PRIM2: variants seen among roughly 807,000 people sequenced by gnomAD.
The protein encoded by PRIM2 is DNA primase subunit 2.
A neutral mutation model predicts 67.3 loss-of-function variants in PRIM2; 39 were observed. That is an observed-to-expected ratio of 0.58 (90% CI 0.45 to 0.76). PRIM2 has a LOEUF of 0.76. PRIM2 is among the 30% of genes least tolerant of loss of function. The probability of loss-of-function intolerance (pLI) is 0.00; values close to 1 mark genes in which losing one functional copy is unlikely to be tolerated. For synonymous variants in PRIM2, 143 were observed against 198.7 expected, an observed-to-expected ratio of 0.72 and a Z score of 2.36; for missense variants, 398 against 598.7, an observed-to-expected ratio of 0.66 and a Z score of 3.50.
chr6:57,393,663 TA>T (rs1280756712), intron 7 of PRIM2, among the ~76,000 whole-genome samples: 1 of 152,170 alleles, frequency 6.6e-6, no homozygotes, highest in African/African-American at 2.4e-5. Context: ...CTCTTTAGTT[TA>T]AGTAGGTCCC....
chr6:57,556,522 A>T (rs1374517951), intron 10 of PRIM2, among the ~76,000 whole-genome samples: 4 of 152,198 alleles, frequency 2.6e-5, no homozygotes, highest in African/African-American at 9.6e-5. Flanking sequence ...AAAGCCGACA[A>T]AAGCAATGGG....
chr6:57,642,433 ATCTT>A (rs1404087593), intron 13 of PRIM2, among the ~76,000 whole-genome samples: 10 of 107,082 alleles, frequency 9.3e-5, no homozygotes, highest in Admixed American at 6.8e-4. Context: ...TAAATATTAT[ATCTT>A]TTTTTTTTTT....
At chr6:57,433,945 A>G (rs1344010489) in intron 7 of PRIM2, among the ~76,000 whole-genome samples, 1 of 137,442 alleles carries the variant, frequency 7.3e-6, no homozygotes, top group Non-Finnish European at 1.5e-5. Flanking sequence ...TTTTTTTGAG[A>G]CAGAGTTTCG....
At chr6:57,626,729 A>G (rs1776955104) in intron 12 of PRIM2, among the ~76,000 whole-genome samples, 1 of 151,762 alleles carries the variant, frequency 6.6e-6, no homozygotes, top group South Asian at 2.1e-4. Context: ...GACTCAAGCG[A>G]ACCTCCCGCC....
At chr6:57,353,139 CAAA>C (rs57281233) in intron 5 of PRIM2, among the ~76,000 whole-genome samples, 2 of 58,588 alleles carry the variant, frequency 3.4e-5, no homozygotes, top group African/African-American at 4.9e-5. Flanking sequence ...GGTGAAATCC[CAAA>C]AAAAAAAAAA....
rs1221357123 is a variant in PRIM2, at chr6:57,646,076, C to T, written c.1448C>T (p.Ala483Val). The T allele has an allele frequency of 2.6e-5, 42 of 1,602,424 alleles. No homozygotes were observed. The highest frequency in any genetic ancestry group is 3.3e-5 in the Non-Finnish European group (39 of 1,169,470). The change falls in exon 14 of 14, where the codon GCA (alanine) becomes GTA (valine). Residue 483 changes from alanine to valine, a missense_variant. Transcript: ENST00000615550. ...CCAAGTGTCCAGAAAACCAAGGATGCATCATCTGCTCTGGCCTCTTTAAAT... is the reference window on the plus strand; with the variant it reads ...CCAAGTGTCCAGAAAACCAAGGATGTATCATCTGCTCTGGCCTCTTTAAAT... ...PKPSVQKTKD[A>V]SSALASLNSS...
intron 3 of PRIM2, among the ~76,000 whole-genome samples, chr6:57,321,375 T>G (rs572664854): frequency 6.6e-6 from 1 of 152,260 alleles, no homozygotes; most frequent in Admixed American, 6.5e-5. Context: ...TAGTGGACAA[T>G]TGGATATACA....
intron 8 of PRIM2, among the ~76,000 whole-genome samples, chr6:57,518,315 T>G (rs1245283934): frequency 6.6e-6 from 1 of 152,234 alleles, no homozygotes; most frequent in Non-Finnish European, 1.5e-5. Flanking sequence ...GGTGTGTCCT[T>G]AATCATCCAA....
chr6:57,360,599 G>A (rs565197055), intron 5 of PRIM2, among the ~76,000 whole-genome samples: 1 of 152,298 alleles, frequency 6.6e-6, no homozygotes, highest in South Asian at 2.1e-4. Flanking sequence ...TAAGGAATGG[G>A]AGTATCGTGG....
intron 5 of PRIM2, among the ~76,000 whole-genome samples, chr6:57,347,975 T>C (rs1768732255): frequency 6.6e-6 from 1 of 152,146 alleles, no homozygotes; most frequent in East Asian, 1.9e-4. Flanking sequence ...CAAACACAGG[T>C]GTGAGTTTAG....
intron 5 of PRIM2, among the ~76,000 whole-genome samples, chr6:57,373,996 A>G (rs555851023): frequency 1.3e-5 from 2 of 152,274 alleles, no homozygotes; most frequent in East Asian, 3.9e-4. Context: ...CGTCAGTGGT[A>G]GTTTGATGGG....
At position 57,474,173 on chromosome 6, in the gene PRIM2, C is replaced by CTTTTTTTTTTTTTT. The variant is rs1158188964; in HGVS notation, c.694-33197_694-33184dup. ...TCTACTTTTTCTGCAATTCTGCTATCTTTTTTTTTTTTTTTTTTTTTTTTT... is the reference window on the plus strand; with the variant it reads ...TCTACTTTTTCTGCAATTCTGCTATCTTTTTTTTTTTTTTTTTTTTTTTTTTTTTTTTTTTTTTT... On this transcript the variant is annotated intron_variant, in intron 7 of 13. Coordinates refer to ENST00000615550, the MANE Select transcript of PRIM2 (RefSeq NM_000947.5). 3.1e-5 allele frequency among the ~76,000 whole-genome samples: 2 copies of CTTTTTTTTTTTTTT among 63,914 alleles called. 1 individual carries two copies. The highest frequency in any genetic ancestry group is 5.3e-5 in the Non-Finnish European group (2 of 37,390). 41.9% of individuals were successfully genotyped at this position (63,914 alleles called of 152,430 possible).
the PRIM2 span, among the ~76,000 whole-genome samples, chr6:57,240,109 T>TTTTTG: frequency 6.8e-6 from 1 of 147,114 alleles, no homozygotes; most frequent in Admixed American, 6.8e-5. Context: ...TTTTTTTTTT[T>TTTTTG]TTTTTTTGAG....
At chr6:57,602,830 G>A (rs1431139434) in intron 11 of PRIM2, among the ~76,000 whole-genome samples, 1 of 152,156 alleles carries the variant, frequency 6.6e-6, no homozygotes, top group Non-Finnish European at 1.5e-5. Flanking sequence ...TACTTATTCT[G>A]TTTTTAAAAA....
chr6:57,453,114 C>T (rs1379046984), intron 7 of PRIM2, among the ~76,000 whole-genome samples: 1 of 152,158 alleles, frequency 6.6e-6, no homozygotes, highest in African/African-American at 2.4e-5. Context: ...GGCATTATTT[C>T]TGAGGGCTCT....
At position 57,537,746 on chromosome 6, in the gene PRIM2, A is replaced by T. The variant is rs1204979871; in HGVS notation, c.1020+121A>T. 17 of 502,158 alleles carry T rather than the reference A, an allele frequency of 3.4e-5. No homozygotes were observed. The East Asian group carries it at 5.8e-4, about 17-fold the overall frequency. 31.1% of individuals were successfully genotyped at this position (502,158 alleles called of 1,614,324 possible). ...ATGTAGTTGAAAATTCTAAAAGGAT[A>T]AATGTGTTGACAATTCAGTTTAGAT... On this transcript the variant is annotated intron_variant, in intron 10 of 13. Coordinates refer to ENST00000615550, the MANE Select transcript of PRIM2 (RefSeq NM_000947.5).
At chr6:57,558,409 T>TA (rs1775559961) in intron 10 of PRIM2, among the ~76,000 whole-genome samples, 1 of 152,150 alleles carries the variant, frequency 6.6e-6, no homozygotes, top group Non-Finnish European at 1.5e-5. Flanking sequence ...GATTTGGACA[T>TA]ACAGAATTGG....
intron 7 of PRIM2, among the ~76,000 whole-genome samples, chr6:57,441,935 T>G (rs1176250323): frequency 1.3e-5 from 2 of 152,090 alleles, no homozygotes; most frequent in Non-Finnish European, 2.9e-5. Context: ...ATGTACCCAG[T>G]TGTTTTTTAT....
chr6:57,369,881 T>G (rs537598058), intron 5 of PRIM2, among the ~76,000 whole-genome samples: 51 of 152,348 alleles, frequency 3.3e-4, no homozygotes, highest in African/African-American at 1.2e-3. Flanking sequence ...AAGCCTGAAA[T>G]ACAGAAACTA....
Sources: allele counts gnomAD v4.1 joint callset (sites outside exome capture counted in the v4.1 genomes callset), GRCh38; gene constraint gnomAD v4.1.1; transcripts MANE v1.5; gene names NCBI Gene and HGNC (gene_info 2026-07-23, HGNC 2026-07-21).